Variants in RANBP2 observed in about 807,000 individuals in gnomAD.
RANBP2 encodes the protein RAN binding protein 2, also known as E3 SUMO-protein ligase RanBP2.
A neutral mutation model predicts 303.6 loss-of-function variants in RANBP2; 57 were observed. The observed-to-expected ratio is 0.19, with a 90% CI of 0.15 to 0.23. The LOEUF is 0.23. Ranked by LOEUF, RANBP2 falls within the 10% of genes least tolerant of loss-of-function variation. The probability of loss-of-function intolerance (pLI) is 1.00; values close to 1 mark genes in which losing one functional copy is unlikely to be tolerated. For synonymous variants in RANBP2, 1,167 were observed against 1,301.5 expected (o/e 0.90, Z 2.23); for missense variants, 3,138 against 3,780.8 (o/e 0.83, Z 4.46).
chr2:109,428,294 G>A, the RANBP2 span, among the ~76,000 whole-genome samples: 1 of 152,274 alleles, frequency 6.6e-6, no homozygotes, highest in Non-Finnish European at 1.5e-5. Flanking sequence ...AAATACTTTG[G>A]TTTACTCTGA....
the RANBP2 span, among the ~76,000 whole-genome samples, chr2:109,053,774 G>A: frequency 4.0e-4 from 61 of 152,314 alleles, no homozygotes; most frequent in African/African-American, 1.3e-3. Context: ...GACTCCATTC[G>A]TCAGGGGCGT....
the RANBP2 span, chr2:109,546,093 G>A: frequency 6.2e-7 from 1 of 1,605,722 alleles, no homozygotes; most frequent in Non-Finnish European, 8.5e-7. Flanking sequence ...CCTGTTGCCA[G>A]AAAGGACTGG....
chr2:109,304,020 G>A, the RANBP2 span, among the ~76,000 whole-genome samples: 1 of 151,876 alleles, frequency 6.6e-6, no homozygotes, highest in African/African-American at 2.4e-5. Context: ...AGAATTGCTT[G>A]AACCTGGAAA....
At chr2:109,321,844 G>T in the RANBP2 span, among the ~76,000 whole-genome samples, 1 of 152,200 alleles carries the variant, frequency 6.6e-6, no homozygotes, top group African/African-American at 2.4e-5. Context: ...CAATCCCAAG[G>T]TTCTGCCAAA....
At chr2:109,248,861 T>C in the RANBP2 span, among the ~76,000 whole-genome samples, 1 of 147,298 alleles carries the variant, frequency 6.8e-6, no homozygotes, top group South Asian at 2.1e-4. Context: ...CTTTTTCCTT[T>C]CCTTTTTCCT....
the RANBP2 span, chr2:109,614,548 G>A: frequency 7.6e-7 from 1 of 1,318,640 alleles, no homozygotes; most frequent in Non-Finnish European, 9.6e-7. Context: ...GCGGTGCTGC[G>A]CTTCCTGGCG....
the RANBP2 span, among the ~76,000 whole-genome samples, chr2:109,349,039 C>T: frequency 0.18 from 27,393 of 152,026 alleles, 2,596 homozygotes; most frequent in African/African-American, 0.24. Context: ...CTCTCTCTCA[C>T]ACACACACGC....
the RANBP2 span, among the ~76,000 whole-genome samples, chr2:109,433,272 T>A: frequency 6.6e-6 from 1 of 152,246 alleles, no homozygotes; most frequent in African/African-American, 2.4e-5. Flanking sequence ...AAAGGAAAAA[T>A]GATATCTTCC....
the RANBP2 span, chr2:108,897,298 T>C: frequency 7.2e-7 from 1 of 1,391,764 alleles, no homozygotes; most frequent in South Asian, 1.3e-5. Flanking sequence ...ACTGAAAAAT[T>C]ATTTAAATGA....
the RANBP2 span, among the ~76,000 whole-genome samples, chr2:108,892,426 AGTGCTT>A: frequency 6.6e-6 from 1 of 152,132 alleles, no homozygotes; most frequent in Non-Finnish European, 1.5e-5. Flanking sequence ...TGGCTGTGGA[AGTGCTT>A]GCAGCTCACT....
At chr2:109,021,492 C>T in the RANBP2 span, among the ~76,000 whole-genome samples, 2 of 147,094 alleles carry the variant, frequency 1.4e-5, no homozygotes, top group Non-Finnish European at 3.0e-5. Flanking sequence ...CACTGCCCTC[C>T]AGCCTGGGCG....
At chr2:109,465,733 C>A in the RANBP2 span, among the ~76,000 whole-genome samples, 1 of 152,058 alleles carries the variant, frequency 6.6e-6, no homozygotes, top group Non-Finnish European at 1.5e-5. Context: ...CCAATCATGG[C>A]GGAAGACAAA....
At chr2:108,839,340 C>G in the RANBP2 span, 1 of 1,491,588 alleles carries the variant, frequency 6.7e-7, no homozygotes, top group Non-Finnish European at 9.2e-7. Flanking sequence ...AGTAATACTC[C>G]ACCTAATATT....
chr2:109,248,962 G>A, the RANBP2 span, among the ~76,000 whole-genome samples: 1 of 151,584 alleles, frequency 6.6e-6, no homozygotes, highest in Non-Finnish European at 1.5e-5. Context: ...CTGGGATGCA[G>A]CCTCCAACTC....
chr2:108,748,820 T>G, intron 8 of RANBP2, 100 bp from the exon 9 acceptor site: 1 of 1,608,384 alleles, frequency 6.2e-7, no homozygotes, highest in African/African-American at 1.3e-5. Context: ...AGGTATGCAG[T>G]AATCATGTTA....
the RANBP2 span, among the ~76,000 whole-genome samples, chr2:108,912,447 C>T: frequency 6.6e-6 from 1 of 152,178 alleles, no homozygotes; most frequent in Non-Finnish European, 1.5e-5. Flanking sequence ...CCCGCCTTCA[C>T]CACCAGCACC....
the RANBP2 span, among the ~76,000 whole-genome samples, chr2:109,462,954 T>C: frequency 1.3e-5 from 2 of 152,178 alleles, no homozygotes; most frequent in Non-Finnish European, 2.9e-5. Flanking sequence ...TTATTTTCTT[T>C]CCCCTAATGC....
the RANBP2 span, among the ~76,000 whole-genome samples, chr2:109,349,238 G>A: frequency 0.013 from 1,943 of 152,242 alleles, 44 homozygotes; most frequent in African/African-American, 0.044. Context: ...CATGTCCTGC[G>A]TACAGCTGCT....
At chr2:109,143,466 G>C in the RANBP2 span, among the ~76,000 whole-genome samples, 1 of 152,262 alleles carries the variant, frequency 6.6e-6, no homozygotes, top group East Asian at 1.9e-4. Context: ...CAGTGGGCTG[G>C]GTGCAGTGGC....
Sources: allele counts gnomAD v4.1 joint callset (sites outside exome capture counted in the v4.1 genomes callset), GRCh38; gene constraint gnomAD v4.1.1; transcripts MANE v1.5; gene names NCBI Gene and HGNC (gene_info 2026-07-23, HGNC 2026-07-21).